Variants in STARD9 observed in about 807,000 individuals in gnomAD.
STARD9 encodes stAR-related lipid transfer protein 9.
In STARD9, 346 loss-of-function variants were observed where a neutral mutation model predicts 399.8. That is an observed-to-expected ratio of 0.87 (90% CI 0.79 to 0.95). The LOEUF (loss-of-function observed/expected upper bound fraction) is 0.95, where lower values mean the gene tolerates loss of function less well. Among genes scored for constraint, STARD9 ranks in the 40% least tolerant of loss-of-function variants. The pLI, the probability that STARD9 is intolerant of heterozygous loss-of-function variation, is 0.00. For synonymous variants in STARD9, 2,203 were observed against 2,143.5 expected (o/e 1.03, Z -0.77); for missense variants, 5,832 against 5,667.5 (o/e 1.03, Z -0.93).
At chr15:42,681,317 C>G in intron 20 of STARD9, 105 bp from the exon 21 acceptor site, 3 of 1,192,404 alleles carry the variant, frequency 2.5e-6, no homozygotes, top group South Asian at 3.2e-5. Flanking sequence ...CACTCTCTAC[C>G]CTGTTGATTG....
intron 8 of STARD9, among the ~76,000 whole-genome samples, chr15:42,651,753 T>C (rs898659234): frequency 1.3e-5 from 2 of 152,212 alleles, no homozygotes; most frequent in African/African-American, 2.4e-5. Context: ...CTGAGCTTCA[T>C]GGAACTCTCC....
intron 1 of STARD9, among the ~76,000 whole-genome samples, chr15:42,581,729 G>GT (rs144334043): frequency 0.01 from 1,539 of 152,216 alleles, 34 homozygotes; most frequent in African/African-American, 0.036. Flanking sequence ...AGCTTTTTTT[G>GT]TTTTTTGTTT....
At chr15:42,674,367 A>G (rs1162696101) in intron 16 of STARD9, 73 bp from the exon 17 acceptor site, 4 of 1,175,744 alleles carry the variant, frequency 3.4e-6, no homozygotes, top group Non-Finnish European at 3.7e-6. Flanking sequence ...AGAATATTCT[A>G]ATGTGGACTC....
In STARD9 at chr15:42,687,648, G is replaced by C; in HGVS notation, c.6070G>C (p.Glu2024Gln). Residue 2024 changes from glutamate (E) to glutamine (Q), a missense_variant, in exon 23 of 33, where the codon GAA becomes CAA. Coordinates refer to ENST00000290607, the MANE Select transcript of STARD9 (RefSeq NM_020759.3). ...AAACCCCAGTGAATGCAAGTCACAAGAAATGTTAAATCCCAACAGAGAACC... is the reference window on the plus strand; with the variant it reads ...AAACCCCAGTGAATGCAAGTCACAACAAATGTTAAATCCCAACAGAGAACC... The part of the protein sequence containing the change: ...ERNPSECKSQ[E>Q]MLNPNREPSG... The C allele has an allele frequency of 6.5e-7, 1 of 1,537,100 alleles. No individual in the cohort carries two copies. The highest frequency in any genetic ancestry group is 8.7e-7 in the Non-Finnish European group (1 of 1,146,894).
intron 20 of STARD9, among the ~76,000 whole-genome samples, chr15:42,680,909 T>G (rs1365575051): frequency 6.6e-6 from 1 of 152,168 alleles, no homozygotes; most frequent in Non-Finnish European, 1.5e-5. Flanking sequence ...GGTGTGTGTA[T>G]AAATTATCAG....
Position 42,688,939 on chromosome 15 carries a change from TG to T in STARD9, c.7364del (p.Gly2455ValfsTer20). ...GGAAAGGACCTCAGAATCACCTTGCTGGGTTTCAGTACCAGTGAAGATTTTG... is the reference window on the plus strand; with the variant it reads ...GGAAAGGACCTCAGAATCACCTTGCTGGTTTCAGTACCAGTGAAGATTTTG... Reference protein sequence around the residue: ...DHGKDLRITLLGFSTSEDFAS... With the variant: ...DHGKDLRITLXGFSTSEDFAS... On this transcript the variant is annotated frameshift_variant, in exon 23 of 33. Transcript: ENST00000290607. LOFTEE classifies it high-confidence loss of function. 1 of 1,537,458 alleles carries T rather than the reference TG, an allele frequency of 6.5e-7. No individual in the cohort carries two copies.
chr15:42,586,840 C>CT lies in STARD9; in HGVS notation c.234+1218dup, dbSNP rs766190755. 3.6e-3 allele frequency among the ~76,000 whole-genome samples: 486 copies of CT among 136,634 alleles called. 2 individuals are homozygous for CT. The highest frequency in any genetic ancestry group is 7.4e-3 in the African/African-American group (276 of 37,328). The allele number at this position is 136,634 out of a possible 152,430, so 89.6% of individuals were successfully genotyped here. ...ACAAATATTTCAGTCTTTCATAAAA[C>CT]TTTTTTTTTTTTTTTGGTGGGGGGC... On this transcript the variant is annotated intron_variant, in intron 3 of 32. Transcript: ENST00000290607.
chr15:42,655,799 G>T (rs2059856258), intron 9 of STARD9, among the ~76,000 whole-genome samples: 1 of 152,130 alleles, frequency 6.6e-6, no homozygotes, highest in Admixed American at 6.5e-5. Flanking sequence ...ACAGCCCACA[G>T]AGTGGGAGAA....
intron 20 of STARD9, among the ~76,000 whole-genome samples, chr15:42,677,830 G>A (rs779017439): frequency 1.2e-4 from 19 of 152,196 alleles, no homozygotes; most frequent in Admixed American, 2.6e-4. Context: ...ATTGCTGCCA[G>A]CAAGGCTGCC....
At chr15:42,713,284 G>A (rs1299937762) in intron 26 of STARD9, among the ~76,000 whole-genome samples, 1 of 151,984 alleles carries the variant, frequency 6.6e-6, no homozygotes, top group Non-Finnish European at 1.5e-5. Flanking sequence ...TATCGTTCTT[G>A]TCTCCTATAC....
At chr15:42,638,902 T>G (rs1336475601) in intron 7 of STARD9, 90 bp downstream of exon 7, 3 of 683,428 alleles carry the variant, frequency 4.4e-6, no homozygotes, top group African/African-American at 1.8e-5. Flanking sequence ...ATAGGTGTAA[T>G]GAACACTTAT....
chr15:42,718,178 G>A lies in STARD9; in HGVS notation c.13761G>A (p.Leu4587=). 1.3e-6 allele frequency: 2 copies of A among 1,536,486 alleles called. No individual in the cohort carries two copies. Among genetic ancestry groups the A allele is most frequent in the African/African-American group, 1.4e-5 (1 of 73,146 alleles). Residue 4587 remains leucine (L), a splice_region_variant and synonymous_variant, in exon 30 of 33, where the codon CTG becomes CTA. Coordinates refer to ENST00000290607, the MANE Select transcript of STARD9 (RefSeq NM_020759.3). ...AGCGAGTGACCAACAGCATCAGCCT[G>A]GGTGAGCCCAGGGAAGGAAGGCTTC... ...LHQRVTNSIS[L]VYLVCNTTLC...
chr15:42,576,996 CT>C (rs2058069264), intron 1 of STARD9, among the ~76,000 whole-genome samples: 1 of 151,952 alleles, frequency 6.6e-6, no homozygotes, highest in Non-Finnish European at 1.5e-5. Context: ...TAGCTCAGGG[CT>C]GGGGGGGGTT....
intron 3 of STARD9, among the ~76,000 whole-genome samples, chr15:42,602,278 T>A (rs1369145972): frequency 6.6e-6 from 1 of 152,178 alleles, no homozygotes; most frequent in Admixed American, 6.5e-5. Context: ...AGCCAGAAAT[T>A]GATAATTTAC....
chr15:42,656,030 A>G (rs2059861337), intron 9 of STARD9, among the ~76,000 whole-genome samples: 1 of 152,002 alleles, frequency 6.6e-6, no homozygotes, highest in Admixed American at 6.6e-5. Context: ...ATGCAATACC[A>G]CCTTACTCCT....
intron 26 of STARD9, among the ~76,000 whole-genome samples, chr15:42,714,938 T>A (rs1303951918): frequency 6.6e-6 from 1 of 152,166 alleles, no homozygotes; most frequent in African/African-American, 2.4e-5. Context: ...CAGTATCCAA[T>A]AATTTTTGGA....
At chr15:42,675,186 T>G (rs1002043120) in intron 18 of STARD9, among the ~76,000 whole-genome samples, 1 of 152,236 alleles carries the variant, frequency 6.6e-6, no homozygotes, top group Non-Finnish European at 1.5e-5. Flanking sequence ...CCTGTGTTAA[T>G]TAGCTCTGTC....
At chr15:42,665,429 C>T in intron 14 of STARD9, 99 bp downstream of exon 14, 2 of 906,146 alleles carry the variant, frequency 2.2e-6, no homozygotes, top group South Asian at 3.0e-5. Context: ...ATTCTATGTT[C>T]TCAATTGACT....
At chr15:42,664,789 AACACACACAC>A (rs55773330) in intron 13 of STARD9, among the ~76,000 whole-genome samples, 4,006 of 144,814 alleles carry the variant, frequency 0.028, 164 homozygotes, top group African/African-American at 0.088. Flanking sequence ...TTTATCCTTT[AACACACACAC>A]ACACACACAC....
Sources: allele counts gnomAD v4.1 joint callset (sites outside exome capture counted in the v4.1 genomes callset), GRCh38; gene constraint gnomAD v4.1.1; transcripts MANE v1.5; gene names NCBI Gene and HGNC (gene_info 2026-07-23, HGNC 2026-07-21).